FAT3: variants seen among roughly 807,000 people sequenced by gnomAD.
FAT3 encodes FAT atypical cadherin 3.
FAT3 carries 95 observed loss-of-function variants against 310.2 expected under a neutral mutation model. The ratio of observed to expected loss-of-function variants is 0.31; its 90% CI spans 0.26 to 0.36. FAT3 has a LOEUF of 0.36. Among genes scored for constraint, FAT3 ranks in the 10% least tolerant of loss-of-function variants. FAT3 has a pLI of 1.00. For missense variants in FAT3, 5,408 were observed against 5,715.6 expected (o/e 0.95, Z 1.74); for synonymous variants, 2,314 against 2,192.9 (o/e 1.06, Z -1.54).
chr11:92,807,841 A>G (rs1947549499), intron 12 of FAT3, among the ~76,000 whole-genome samples: 1 of 152,220 alleles, frequency 6.6e-6, no homozygotes. Flanking sequence ...AACCTTTTAT[A>G]TGGTAGCAAA....
At position 92,352,955 on chromosome 11, in the gene FAT3, A is replaced by G. The variant is rs1172880662; in HGVS notation, c.843A>G (p.Thr281=). Residue 281 remains threonine (T), a synonymous_variant, in exon 2 of 28, where the codon ACA becomes ACG. Coordinates refer to ENST00000525166, the MANE Select transcript of FAT3 (RefSeq NM_001367949.2). The part of the protein sequence containing the change: ...HVPFSLEKEP[T]YAVVTVDDLD... ...CTTTCTCGTTGGAAAAAGAGCCAACATATGCAGTGGTGACAGTTGATGACT... is the reference window on the plus strand; with the variant it reads ...CTTTCTCGTTGGAAAAAGAGCCAACGTATGCAGTGGTGACAGTTGATGACT... The G allele has an allele frequency of 3.1e-6, 5 of 1,613,800 alleles. No homozygotes were observed. In the East Asian group the frequency reaches 6.7e-5, roughly 22 times the overall value.
At chr11:92,847,046 C>G (rs1309523593) in intron 19 of FAT3, among the ~76,000 whole-genome samples, 1 of 152,172 alleles carries the variant, frequency 6.6e-6, no homozygotes, top group African/African-American at 2.4e-5. Flanking sequence ...AAAGGGCCCT[C>G]TTGGGCCCCT....
intron 3 of FAT3, among the ~76,000 whole-genome samples, chr11:92,567,011 G>A (rs1023591403): frequency 1.3e-5 from 2 of 151,996 alleles, no homozygotes; most frequent in Admixed American, 1.3e-4. Context: ...CAAAAGCAAT[G>A]GCAACAAAAG....
chr11:92,401,027 G>A (rs574954141), intron 2 of FAT3, among the ~76,000 whole-genome samples: 4 of 152,094 alleles, frequency 2.6e-5, no homozygotes, highest in Non-Finnish European at 4.4e-5. Context: ...TGTTTCAACC[G>A]TGACATATAT....
intron 3 of FAT3, among the ~76,000 whole-genome samples, chr11:92,581,657 G>T (rs895239370): frequency 3.3e-5 from 5 of 152,002 alleles, no homozygotes; most frequent in African/African-American, 4.8e-5. Context: ...TCTGCCAAGG[G>T]GGGGGATTAT....
chr11:92,715,288 G>T (rs1296076295), intron 4 of FAT3, among the ~76,000 whole-genome samples: 1 of 151,164 alleles, frequency 6.6e-6, no homozygotes, highest in Non-Finnish European at 1.5e-5. Flanking sequence ...GGAGCCTGTA[G>T]TCCCAGCTAC....
At chr11:92,874,727 C>T (rs1171152934) in intron 22 of FAT3, among the ~76,000 whole-genome samples, 4 of 152,084 alleles carry the variant, frequency 2.6e-5, no homozygotes, top group Admixed American at 1.3e-4. Context: ...TTAGTAGAGA[C>T]GGGGTTTCAC....
chr11:92,263,926 A>G (rs995370379), intron 1 of FAT3, among the ~76,000 whole-genome samples: 4 of 152,116 alleles, frequency 2.6e-5, no homozygotes, highest in Non-Finnish European at 2.9e-5. Context: ...ACTGGGTTCC[A>G]GGCATTACGC....
intron 4 of FAT3, among the ~76,000 whole-genome samples, chr11:92,716,938 G>A (rs1240965960): frequency 6.6e-6 from 1 of 152,204 alleles, no homozygotes; most frequent in African/African-American, 2.4e-5. Context: ...GAGGCTGGGT[G>A]TAGGTTCAGG....
chr11:92,405,742 A>G (rs1170847092), intron 2 of FAT3, among the ~76,000 whole-genome samples: 1 of 151,812 alleles, frequency 6.6e-6, no homozygotes, highest in African/African-American at 2.4e-5. Context: ...CAGAAGCAAG[A>G]CCCCGTCTCA....
intron 2 of FAT3, among the ~76,000 whole-genome samples, chr11:92,442,111 A>ATATATATATATT (rs1453396603): frequency 2.2e-5 from 1 of 45,216 alleles, no homozygotes; most frequent in African/African-American, 1.8e-4. Flanking sequence ...ATATATATAT[A>ATATATATATATT]TTTTTTTTTT....
At chr11:92,338,369 A>G (rs998182596) in intron 1 of FAT3, among the ~76,000 whole-genome samples, 9 of 152,102 alleles carry the variant, frequency 5.9e-5, no homozygotes, top group African/African-American at 1.9e-4. Flanking sequence ...CAATGATCCT[A>G]TTTCCTTTGC....
At chr11:92,796,787 C>G (rs1457644659) in intron 9 of FAT3, among the ~76,000 whole-genome samples, 2 of 152,230 alleles carry the variant, frequency 1.3e-5, no homozygotes, top group Non-Finnish European at 2.9e-5. Context: ...TTTACATACT[C>G]CACATTGTGT....
At chr11:92,661,791 C>CT (rs1942792069) in intron 3 of FAT3, among the ~76,000 whole-genome samples, 1 of 151,974 alleles carries the variant, frequency 6.6e-6, no homozygotes. Context: ...AAATCAGCAT[C>CT]TAATTTTTTC....
At chr11:92,227,402 G>A (rs560305580) in intron 1 of FAT3, among the ~76,000 whole-genome samples, 1 of 152,302 alleles carries the variant, frequency 6.6e-6, no homozygotes, top group East Asian at 1.9e-4. Flanking sequence ...CAGAGAGACA[G>A]AGAAGCGGCC....
chr11:92,319,267 C>T (rs574711041), intron 1 of FAT3, among the ~76,000 whole-genome samples: 107 of 152,172 alleles, frequency 7.0e-4, no homozygotes, highest in Non-Finnish European at 5.7e-4. Context: ...TCAAGTTGAT[C>T]GGGATATAAT....
chr11:92,869,040 C>T (rs984896327), intron 22 of FAT3, among the ~76,000 whole-genome samples: 1 of 152,216 alleles, frequency 6.6e-6, no homozygotes, highest in Admixed American at 6.5e-5. Flanking sequence ...TCTTCCTGTT[C>T]CCTTCTTCCT....
rs1276767705 is a variant in FAT3, at chr11:92,789,924, T to C, written c.4336-19T>C. 3 of 1,610,552 alleles carry C rather than the reference T, an allele frequency of 1.9e-6. No individual in the cohort carries two copies. Among genetic ancestry groups the C allele is most frequent in the East Asian group, 4.5e-5 (2 of 44,788 alleles). On this transcript the variant is annotated intron_variant, in intron 7 of 27. Transcript: ENST00000525166. ...GCAAATTGGCATTAGTCATCATTCT[T>C]TTCTTCTTTTAACTACAGGTATTTA...
At position 92,793,480 on chromosome 11, in the gene FAT3, G is replaced by A. The variant is rs368602792; in HGVS notation, c.4822+503G>A. Among the ~76,000 whole-genome samples the A allele has an allele frequency of 2.0e-5, 3 of 152,270 alleles. No homozygotes were observed. In the East Asian group the frequency reaches 5.8e-4, roughly 29 times the overall value. On this transcript the variant is annotated intron_variant, in intron 9 of 27. Coordinates refer to ENST00000525166, the MANE Select transcript of FAT3 (RefSeq NM_001367949.2). The stretch of plus-strand genomic sequence containing the variant: ...AACCTGAGTAGCAGAGTAGATGGTA[G>A]ATATGGAGTCTGAACTGCTTGCTGA...
Sources: gnomAD v4.1 joint callset for allele counts (sites outside exome capture counted in the v4.1 genomes callset) on GRCh38, gnomAD v4.1.1 for gene constraint, MANE v1.5 for transcripts, NCBI Gene and HGNC (gene_info 2026-07-23, HGNC 2026-07-21) for gene names.